The following ITPR1 variants were observed in gnomAD, a reference collection of about 807,000 sequenced individuals.
ITPR1 encodes the protein inositol 1,4,5-trisphosphate receptor type 1, also known as inositol 1,4,5-trisphosphate-gated calcium channel ITPR1.
ITPR1 carries 96 observed loss-of-function variants against 318.4 expected under a neutral mutation model. The ratio of observed to expected loss-of-function variants is 0.30; its 90% CI spans 0.26 to 0.36. ITPR1 has a LOEUF of 0.36. Among genes scored for constraint, ITPR1 ranks in the 10% least tolerant of loss-of-function variants. The pLI is 1.00. For synonymous variants in ITPR1, 1,312 were observed against 1,289.9 expected (o/e 1.02, Z -0.37); for missense variants, 2,440 against 3,460.2 (o/e 0.71, Z 7.40).
intron 25 of ITPR1, among the ~76,000 whole-genome samples, chr3:4,681,000 C>A (rs1188900389): frequency 1.3e-5 from 2 of 152,126 alleles, no homozygotes; most frequent in South Asian, 2.1e-4. Flanking sequence ...AAAAAACTCT[C>A]CAGGAGACTT....
Position 4,667,564 on chromosome 3 carries a change from G to A in ITPR1, c.1886+15G>A. Reference sequence around the variant, plus strand: ...AGGGAGCCCAGGTGAGGCGGGAGTGGGGTCCATGCAGGATGGTGTCTCTGC... The same window carrying A: ...AGGGAGCCCAGGTGAGGCGGGAGTGAGGTCCATGCAGGATGGTGTCTCTGC... On this transcript the variant is annotated intron_variant, in intron 18 of 61. Coordinates refer to ENST00000649015, the MANE Select transcript of ITPR1 (RefSeq NM_001378452.1). The A allele has an allele frequency of 6.2e-7, 1 of 1,609,334 alleles. No homozygotes were observed. Among genetic ancestry groups the A allele is most frequent in the Non-Finnish European group, 8.5e-7 (1 of 1,177,558 alleles).
intron 4 of ITPR1, among the ~76,000 whole-genome samples, chr3:4,528,158 T>C (rs1475636234): frequency 6.6e-6 from 1 of 152,204 alleles, no homozygotes; most frequent in African/African-American, 2.4e-5. Flanking sequence ...CTTGGAGAAG[T>C]GATTTCGTCT....
chr3:4,618,245 A>T (rs2092462564), intron 4 of ITPR1, among the ~76,000 whole-genome samples: 1 of 152,218 alleles, frequency 6.6e-6, no homozygotes, highest in South Asian at 2.1e-4. Context: ...AAATACTGAT[A>T]AACATAACAG....
intron 44 of ITPR1, among the ~76,000 whole-genome samples, chr3:4,763,038 C>T (rs776188607): frequency 1.2e-4 from 18 of 152,204 alleles, no homozygotes; most frequent in Non-Finnish European, 1.8e-4. Context: ...GGAATGAGAT[C>T]GTGTCCTTTG....
chr3:4,626,621 C>T (rs1290800407), intron 4 of ITPR1, among the ~76,000 whole-genome samples: 3 of 152,178 alleles, frequency 2.0e-5, no homozygotes, highest in Non-Finnish European at 4.4e-5. Context: ...GGTTATACCA[C>T]ATAAGACAAT....
intron 40 of ITPR1, among the ~76,000 whole-genome samples, chr3:4,720,187 G>A (rs959277113): frequency 3.9e-5 from 6 of 152,228 alleles, no homozygotes; most frequent in Non-Finnish European, 7.3e-5. Flanking sequence ...CCCCAAATGG[G>A]CACAGTGTCT....
intron 4 of ITPR1, among the ~76,000 whole-genome samples, chr3:4,620,233 C>T (rs537181025): frequency 4.4e-4 from 67 of 152,288 alleles, no homozygotes; most frequent in African/African-American, 1.5e-3. Flanking sequence ...AGTCACTTTA[C>T]TTCTATTTCT....
At chr3:4,719,011 CAG>C (rs1266960304) in intron 40 of ITPR1, among the ~76,000 whole-genome samples, 1 of 152,202 alleles carries the variant, frequency 6.6e-6, no homozygotes, top group Non-Finnish European at 1.5e-5. Flanking sequence ...CTTCCCTAAT[CAG>C]AGTCTGTGGT....
chr3:4,551,500 A>T (rs2085560710), intron 4 of ITPR1, among the ~76,000 whole-genome samples: 1 of 152,174 alleles, frequency 6.6e-6, no homozygotes, highest in African/African-American at 2.4e-5. Flanking sequence ...CATGCTTCTT[A>T]TCTAGAGAGA....
chr3:4,504,753 T>C (rs2081280996), intron 2 of ITPR1, among the ~76,000 whole-genome samples: 1 of 152,170 alleles, frequency 6.6e-6, no homozygotes, highest in South Asian at 2.1e-4. Context: ...GCAGAGACTG[T>C]TGTAAAGGGA....
intron 44 of ITPR1, 158 bp downstream of exon 44, chr3:4,735,512 C>A: frequency 3.3e-6 from 2 of 610,872 alleles, no homozygotes; most frequent in Non-Finnish European, 5.8e-6. Context: ...CTGCTAGTAT[C>A]CTGCTGTGAT....
intron 4 of ITPR1, among the ~76,000 whole-genome samples, chr3:4,550,206 C>A (rs1048043875): frequency 6.6e-6 from 1 of 152,160 alleles, no homozygotes; most frequent in Admixed American, 6.5e-5. Context: ...GACCCCAGAT[C>A]TCTCTGAGCA....
chr3:4,755,164 CT>C (rs2044859236), intron 44 of ITPR1, among the ~76,000 whole-genome samples: 1 of 118,050 alleles, frequency 8.5e-6, no homozygotes, highest in African/African-American at 3.1e-5. Context: ...ACGATAATAC[CT>C]TTAATTTTTT....
At chr3:4,724,048 T>C (rs1052774854) in intron 40 of ITPR1, among the ~76,000 whole-genome samples, 2 of 152,218 alleles carry the variant, frequency 1.3e-5, no homozygotes, top group African/African-American at 2.4e-5. Flanking sequence ...CCTTTACCTG[T>C]GCTCTGCTTT....
Position 4,811,405 on chromosome 3 carries a change from C to T in ITPR1, c.7413C>T (p.Phe2471=). Residue 2471 remains phenylalanine, a synonymous_variant, in exon 56 of 62, where the codon TTC becomes TTT. Coordinates refer to ENST00000649015, the MANE Select transcript of ITPR1 (RefSeq NM_001378452.1). ...YLFSIVGYLF[F]KDDFILEVDR... ...TCTCAATAGTGGGCTATCTTTTCTT[C>T]AAGGATGACTTTATCTTGGAAGTAG... is the stretch of plus-strand genomic sequence containing the variant. The T allele has an allele frequency of 6.2e-7, 1 of 1,614,012 alleles. No homozygotes were observed. Among genetic ancestry groups the T allele is most frequent in the Non-Finnish European group, 8.5e-7 (1 of 1,179,876 alleles).
At chr3:4,703,168 C>T (rs533070811) in intron 36 of ITPR1, among the ~76,000 whole-genome samples, 1 of 152,294 alleles carries the variant, frequency 6.6e-6, no homozygotes, top group Admixed American at 6.5e-5. Context: ...AGTCCTAAGT[C>T]AGATAGGCCT....
intron 4 of ITPR1, among the ~76,000 whole-genome samples, chr3:4,605,548 G>A (rs147145621): frequency 6.6e-6 from 1 of 152,144 alleles, no homozygotes; most frequent in African/African-American, 2.4e-5. Context: ...TGAAATACGG[G>A]CATGATATAT....
chr3:4,835,623 C>T (rs572779326), intron 60 of ITPR1, among the ~76,000 whole-genome samples: 1 of 152,118 alleles, frequency 6.6e-6, no homozygotes, highest in Non-Finnish European at 1.5e-5. Flanking sequence ...TAAATGTATC[C>T]TTACAAGATA....
chr3:4,836,727 G>A, intron 60 of ITPR1, 47 bp from the exon 61 acceptor site: 1 of 1,306,842 alleles, frequency 7.7e-7, no homozygotes, highest in Non-Finnish European at 9.9e-7. Context: ...CTCTAGAAGT[G>A]ACTCAGTCTT....
Sources: allele counts gnomAD v4.1 joint callset (sites outside exome capture counted in the v4.1 genomes callset), GRCh38; gene constraint gnomAD v4.1.1; transcripts MANE v1.5; gene names NCBI Gene and HGNC (gene_info 2026-07-23, HGNC 2026-07-21).